NF2: variants seen among roughly 807,000 people sequenced by gnomAD.
NF2 encodes NF2, moesin-ezrin-radixin like (MERLIN) tumor suppressor.
In NF2, 8 loss-of-function variants were observed where a neutral mutation model predicts 83.7. That is an observed-to-expected ratio of 0.10 (90% CI 0.06 to 0.17). The LOEUF is 0.17. Ranked by LOEUF, NF2 falls within the 10% of genes least tolerant of loss-of-function variation. NF2 has a pLI of 1.00. For synonymous variants in NF2, 266 were observed against 269.6 expected (o/e 0.99, Z 0.13); for missense variants, 533 against 744.4 (o/e 0.72, Z 3.31).
chr22:29,664,903 A>G (rs939428200), intron 8 of NF2, 87 bp from the exon 9 acceptor site: 6 of 911,028 alleles, frequency 6.6e-6, no homozygotes, highest in South Asian at 5.5e-5. Flanking sequence ...GTCTGTGGCC[A>G]GTGTGGTTGC....
chr22:29,696,275 A>G lies in NF2; in HGVS notation c.*1473A>G. 1 of 214,844 alleles carries G rather than the reference A, an allele frequency of 4.7e-6. No individual in the cohort carries two copies. Among genetic ancestry groups the G allele is most frequent in the Non-Finnish European group, 9.4e-6 (1 of 106,652 alleles). The allele number at this position is 214,844 out of a possible 1,614,324, so 13.3% of individuals were successfully genotyped here. Reference sequence around the variant, plus strand: ...TTTTTAATAGGGACGGGGTTTTGCCATGTTAGCTAGGCTGGTCTCAAACTC... The same window carrying G: ...TTTTTAATAGGGACGGGGTTTTGCCGTGTTAGCTAGGCTGGTCTCAAACTC... On this transcript the variant is annotated 3_prime_UTR_variant, in exon 16 of 16. Transcript: ENST00000338641.
At chr22:29,623,905 G>C (rs1033518608) in intron 1 of NF2, among the ~76,000 whole-genome samples, 1 of 152,160 alleles carries the variant, frequency 6.6e-6, no homozygotes, top group Non-Finnish European at 1.5e-5. Flanking sequence ...CAGCTTTAGC[G>C]TCTTATTTTA....
In NF2 at chr22:29,696,235, G is replaced by T; in HGVS notation, c.*1433G>T. ...ACTACAGGCATGCACCACCACACTT[G>T]GCCAATGTTCTGTATTTTTAATAGG... On this transcript the variant is annotated 3_prime_UTR_variant, in exon 16 of 16. Coordinates refer to ENST00000338641, the MANE Select transcript of NF2 (RefSeq NM_000268.4). The T allele has an allele frequency of 4.6e-6, 1 of 217,456 alleles. No homozygotes were observed. The highest frequency in any genetic ancestry group is 9.2e-6 in the Non-Finnish European group (1 of 108,288). 13.5% of individuals were successfully genotyped at this position (217,456 alleles called of 1,614,324 possible). A position where few individuals can be genotyped will look rare whatever the true frequency, so the allele number is the denominator to read the frequency against.
chr22:29,634,524 C>A (rs1483621049), intron 1 of NF2, among the ~76,000 whole-genome samples: 2 of 152,324 alleles, frequency 1.3e-5, no homozygotes, highest in East Asian at 3.8e-4. Flanking sequence ...GCACACCCCA[C>A]TTACAGACAG....
At position 29,624,798 on chromosome 22, in the gene NF2, CCTCTTTCTTTCTTT is replaced by C. The variant is rs747136480; in HGVS notation, c.115-11950_115-11937del. Reference sequence around the variant, plus strand: ...TTATGCCATGTTCTTGTTGAAGGGTCCTCTTTCTTTCTTTCTTTCTTTCTTTCTTTCTTTCTTTC... The same window carrying C: ...TTATGCCATGTTCTTGTTGAAGGGTCCTTTCTTTCTTTCTTTCTTTCTTTC... On this transcript the variant is annotated intron_variant, in intron 1 of 15. Coordinates refer to ENST00000338641, the MANE Select transcript of NF2 (RefSeq NM_000268.4). 1.9e-3 allele frequency among the ~76,000 whole-genome samples: 272 copies of C among 141,954 alleles called. 3 individuals carry two copies. Among genetic ancestry groups the C allele is most frequent in the African/African-American group, 6.5e-3 (239 of 36,874 alleles). 93.1% of individuals were successfully genotyped at this position (141,954 alleles called of 152,430 possible).
At chr22:29,633,391 T>C (rs1273484324) in intron 1 of NF2, among the ~76,000 whole-genome samples, 1 of 152,116 alleles carries the variant, frequency 6.6e-6, no homozygotes, top group African/African-American at 2.4e-5. Context: ...CTTAATTCTG[T>C]CTCCTCTGGT....
chr22:29,695,899 AGCCAGG>A lies in NF2; in HGVS notation c.*1101_*1106del, dbSNP rs969727983. The A allele has an allele frequency of 4.7e-5, 11 of 233,462 alleles. No homozygotes were observed. Among genetic ancestry groups the A allele is most frequent in the African/African-American group, 2.2e-4 (10 of 45,410 alleles). 14.5% of individuals were successfully genotyped at this position (233,462 alleles called of 1,614,324 possible). A position where few individuals can be genotyped will look rare whatever the true frequency, so the allele number is the denominator to read the frequency against. ...CTGAATTTTCTGTTCCCTGGGGGCCAGCCAGGGCCCTTTGTGCCCCTCCCAGCACAG... is the reference window on the plus strand; with the variant it reads ...CTGAATTTTCTGTTCCCTGGGGGCCAGCCCTTTGTGCCCCTCCCAGCACAG... On this transcript the variant is annotated 3_prime_UTR_variant, in exon 16 of 16. Coordinates refer to ENST00000338641, the MANE Select transcript of NF2 (RefSeq NM_000268.4). This position sits in a 1 kb window ranked among gnomAD's most constrained non-coding sequence, Gnocchi z 5.4.
rs764629038 is a variant in NF2, at chr22:29,604,123, G to C, written c.114+11G>C. On this transcript the variant is annotated intron_variant, in intron 1 of 15. Coordinates refer to ENST00000338641, the MANE Select transcript of NF2 (RefSeq NM_000268.4). ...GAGTTCAATTGCGAGGTAACCGGCC[G>C]GCAGCCCCGACTGCTGCGGTGACAG... 6.3e-6 allele frequency: 10 copies of C among 1,586,406 alleles called. No individual in the cohort carries two copies. The highest frequency in any genetic ancestry group is 8.6e-6 in the Non-Finnish European group (10 of 1,164,694).
chr22:29,654,693 T>C lies in NF2; in HGVS notation c.484T>C (p.Phe162Leu), dbSNP rs1085307593. The C allele has an allele frequency of 6.2e-7, 1 of 1,613,362 alleles. No homozygotes were observed. Among genetic ancestry groups the C allele is most frequent in the South Asian group, 1.1e-5 (1 of 91,064 alleles). ...CGACCCCAGTGTTCACAAGCGGGGATTTTTGGCCCAAGAGGAATTGCTTCC... is the reference window on the plus strand; with the variant it reads ...CGACCCCAGTGTTCACAAGCGGGGACTTTTGGCCCAAGAGGAATTGCTTCC... ...DYDPSVHKRG[F>L]LAQEELLPKR... The change falls in exon 5 of 16, where the codon TTT becomes CTT. Residue 162 changes from phenylalanine to leucine, a missense_variant. By Grantham distance (22) the Phe-to-Leu change is conservative. This residue lies in a region of NF2 where 326 missense variants were observed against 475.1 expected (regional missense o/e 0.69). Transcript: ENST00000338641.
intron 7 of NF2, among the ~76,000 whole-genome samples, chr22:29,658,817 G>A (rs2066393844): frequency 6.6e-6 from 1 of 152,216 alleles, no homozygotes; most frequent in Non-Finnish European, 1.5e-5. Flanking sequence ...CCTTTAGAAT[G>A]TCTTTCTCCT....
chr22:29,694,882 T>C lies in NF2; in HGVS notation c.*80T>C. On this transcript the variant is annotated 3_prime_UTR_variant, in exon 16 of 16. Transcript: ENST00000338641. The surrounding 1 kb of genome is among the most constrained non-coding windows in gnomAD (Gnocchi z 4.1). ...GATGGACCAGATATCAAGAGAGCCA[T>C]CCATAGGGAGCTGGCTGGGGGTTTC... 1.4e-6 allele frequency: 2 copies of C among 1,454,988 alleles called. No homozygotes were observed. Among genetic ancestry groups the C allele is most frequent in the Non-Finnish European group, 1.9e-6 (2 of 1,053,238 alleles). 90.1% of individuals were successfully genotyped at this position (1,454,988 alleles called of 1,614,324 possible).
intron 3 of NF2, among the ~76,000 whole-genome samples, chr22:29,639,922 C>CGG (rs1374074117): frequency 2.1e-5 from 3 of 141,168 alleles, no homozygotes; most frequent in Non-Finnish European, 3.0e-5. Context: ...TTCAGCCGGG[C>CGG]GGGTTGGCTC....
intron 6 of NF2, among the ~76,000 whole-genome samples, chr22:29,656,476 G>A (rs990941511): frequency 2.1e-5 from 3 of 140,022 alleles, no homozygotes; most frequent in Non-Finnish European, 1.5e-5. Context: ...GCAGTGGCGC[G>A]ATCTCGGCTC....
chr22:29,649,020 T>TG (rs1390371420), intron 4 of NF2, among the ~76,000 whole-genome samples: 1 of 152,218 alleles, frequency 6.6e-6, no homozygotes, highest in East Asian at 1.9e-4. Flanking sequence ...GTGAAACAGA[T>TG]GCAATGGACA....
At position 29,657,198 on chromosome 22, in the gene NF2, G is replaced by A. The variant is rs189802114; in HGVS notation, c.600-991G>A. ...ACCAGTCTCCTGATTTTTAATTCCA[G>A]ATTGGCGTTGCCCATCTTAAACTTT... is the stretch of plus-strand genomic sequence containing the variant. On this transcript the variant is annotated intron_variant, in intron 6 of 15. Coordinates refer to ENST00000338641, the MANE Select transcript of NF2 (RefSeq NM_000268.4). Among the ~76,000 whole-genome samples the A allele has an allele frequency of 8.5e-3, 1,300 of 152,190 alleles. 8 individuals carry two copies. Among genetic ancestry groups the A allele is most frequent in the Non-Finnish European group, 0.014 (951 of 68,020 alleles).
intron 14 of NF2, among the ~76,000 whole-genome samples, chr22:29,680,959 A>G (rs1177350334): frequency 1.3e-5 from 2 of 151,408 alleles, no homozygotes; most frequent in African/African-American, 4.9e-5. Flanking sequence ...TTTTTTTTGT[A>G]CAGAACGAAA....
intron 1 of NF2, among the ~76,000 whole-genome samples, chr22:29,624,364 C>T (rs761295588): frequency 2.7e-4 from 41 of 152,210 alleles, no homozygotes; most frequent in Non-Finnish European, 4.0e-4. Flanking sequence ...TGCACCACCA[C>T]GCCTAGCTAA....
Position 29,678,144 on chromosome 22 carries a change from C to A in NF2, c.1447-52C>A, listed in dbSNP as rs1217624306. 9 of 1,609,590 alleles carry A rather than the reference C, an allele frequency of 5.6e-6. No homozygotes were observed. In the African/African-American group the frequency reaches 1.1e-4, roughly 19 times the overall value. On this transcript the variant is annotated intron_variant, in intron 13 of 15. Transcript: ENST00000338641. ...GGATCGGTTGTCAACACAGTAGTGT[C>A]CTTCTGTGCTTGTATGACCCAAGCT...
At chr22:29,688,500 A>G (rs1300319592) in intron 15 of NF2, among the ~76,000 whole-genome samples, 1 of 152,236 alleles carries the variant, frequency 6.6e-6, no homozygotes, top group Non-Finnish European at 1.5e-5. Context: ...GCTCTTGCTC[A>G]GACCACTCAG....
Sources: gnomAD v4.1 joint callset for allele counts (sites outside exome capture counted in the v4.1 genomes callset) on GRCh38, gnomAD v4.1.1 for gene constraint, gnomAD v4.1.1 regional missense constraint, Gnocchi (gnomAD v3.1) non-coding constraint, MANE v1.5 for transcripts, NCBI Gene and HGNC (gene_info 2026-07-23, HGNC 2026-07-21) for gene names.